RASGRF2: variants seen among roughly 807,000 people sequenced by gnomAD.
The protein encoded by RASGRF2 is ras-specific guanine nucleotide-releasing factor 2.
In RASGRF2, 76 loss-of-function variants were observed where a neutral mutation model predicts 151.0. The ratio of observed to expected loss-of-function variants is 0.50; its 90% confidence interval spans 0.42 to 0.61. The LOEUF (loss-of-function observed/expected upper bound fraction) is 0.61, where lower values mean the gene tolerates loss of function less well. Ranked by LOEUF, RASGRF2 falls within the 20% of genes least tolerant of loss-of-function variation. The pLI is 0.00. For synonymous variants in RASGRF2, 504 were observed against 566.5 expected, an observed-to-expected ratio of 0.89 and a Z score of 1.57; for missense variants, 1,148 against 1,564.6, an observed-to-expected ratio of 0.73 and a Z score of 4.49.
Position 81,112,747 on chromosome 5 carries a change from T to C in RASGRF2, c.1976T>C (p.Ile659Thr), listed in dbSNP as rs757997128. 5.0e-6 allele frequency: 8 copies of C among 1,614,260 alleles called. No homozygotes were observed. The highest frequency in any genetic ancestry group is 6.8e-6 in the Non-Finnish European group (8 of 1,180,052). ...ERLTDLRFLS[I>T]DFLNTFLHTY... is the part of the protein sequence containing the mutation. Reference sequence around the variant, plus strand: ...CTGACAGACTTGCGGTTTCTTAGTATTGATTTCCTCAACACCTTTCTGCAC... The same window carrying C: ...CTGACAGACTTGCGGTTTCTTAGTACTGATTTCCTCAACACCTTTCTGCAC... Residue 659 changes from isoleucine (I) to threonine (T), a missense_variant, in exon 14 of 27, where the codon ATT becomes ACT. Coordinates refer to ENST00000265080, the MANE Select transcript of RASGRF2 (RefSeq NM_006909.3).
intron 1 of RASGRF2, among the ~76,000 whole-genome samples, chr5:80,999,361 C>A (rs1749004201): frequency 6.6e-6 from 1 of 152,074 alleles, no homozygotes; most frequent in Non-Finnish European, 1.5e-5. Context: ...TTTTTAGAGA[C>A]AGGGTCTTGC....
chr5:81,214,822 T>C (rs1177965480), intron 23 of RASGRF2, among the ~76,000 whole-genome samples: 2 of 152,238 alleles, frequency 1.3e-5, no homozygotes, highest in Admixed American at 6.5e-5. Flanking sequence ...CCTATGTTCA[T>C]GGAAGAAACC....
At chr5:81,156,430 A>G (rs1754262169) in intron 17 of RASGRF2, among the ~76,000 whole-genome samples, 1 of 152,228 alleles carries the variant, frequency 6.6e-6, no homozygotes. Context: ...ATCCCTCATG[A>G]GTAAAATGCA....
chr5:81,126,738 C>G (rs1414746832), intron 16 of RASGRF2, among the ~76,000 whole-genome samples: 1 of 152,196 alleles, frequency 6.6e-6, no homozygotes, highest in Non-Finnish European at 1.5e-5. Context: ...TGCTTTGGAA[C>G]TTCATTCCTT....
intron 1 of RASGRF2, among the ~76,000 whole-genome samples, chr5:81,034,101 A>G (rs1102241): frequency 0.18 from 27,064 of 151,954 alleles, 2,451 homozygotes; most frequent in Admixed American, 0.25. Flanking sequence ...ACAATGAGAT[A>G]CCATCTCACA....
intron 1 of RASGRF2, among the ~76,000 whole-genome samples, chr5:81,020,460 A>G (rs1302734665): frequency 6.6e-6 from 1 of 152,186 alleles, no homozygotes; most frequent in Non-Finnish European, 1.5e-5. Flanking sequence ...TATTAGGTTC[A>G]TTACATCTCA....
At chr5:81,175,166 A>G (rs1754746493) in intron 17 of RASGRF2, among the ~76,000 whole-genome samples, 1 of 152,230 alleles carries the variant, frequency 6.6e-6, no homozygotes, top group South Asian at 2.1e-4. Context: ...TGGGATAACA[A>G]TGTTTAACCT....
chr5:81,142,911 A>G (rs1753918293), intron 17 of RASGRF2, among the ~76,000 whole-genome samples: 2 of 152,162 alleles, frequency 1.3e-5, no homozygotes, highest in Non-Finnish European at 2.9e-5. Context: ...GGAGTCCAGC[A>G]GTCTCTTAAT....
intron 17 of RASGRF2, among the ~76,000 whole-genome samples, chr5:81,132,353 G>T (rs1753644065): frequency 6.6e-6 from 1 of 152,168 alleles, no homozygotes; most frequent in African/African-American, 2.4e-5. Context: ...TAGTGCTGTG[G>T]TGTTTTTAAA....
At chr5:80,964,271 T>A (rs1018842767) in intron 1 of RASGRF2, among the ~76,000 whole-genome samples, 2 of 152,164 alleles carry the variant, frequency 1.3e-5, no homozygotes, top group African/African-American at 4.8e-5. Context: ...TCTCCAAAAG[T>A]GTTGTTCCTT....
intron 2 of RASGRF2, among the ~76,000 whole-genome samples, chr5:81,056,547 A>T (rs1434600908): frequency 6.6e-6 from 1 of 152,222 alleles, no homozygotes; most frequent in Non-Finnish European, 1.5e-5. Context: ...TTTACTTCCA[A>T]CTATGTGGTC....
intron 2 of RASGRF2, among the ~76,000 whole-genome samples, chr5:81,060,457 T>C (rs252589): frequency 2.0e-5 from 3 of 151,414 alleles, no homozygotes; most frequent in Non-Finnish European, 2.9e-5. Context: ...TCTGCCCCCC[T>C]ACTTCCTGTT....
At chr5:81,209,106 C>T (rs1755576459) in intron 22 of RASGRF2, among the ~76,000 whole-genome samples, 1 of 152,014 alleles carries the variant, frequency 6.6e-6, no homozygotes, top group African/African-American at 2.4e-5. Context: ...CACGGTAAGG[C>T]TGGGTTGGTG....
chr5:80,980,813 A>C (rs971750971), intron 1 of RASGRF2, among the ~76,000 whole-genome samples: 7 of 152,180 alleles, frequency 4.6e-5, no homozygotes, highest in Admixed American at 1.3e-4. Flanking sequence ...CTTAGAAGGC[A>C]GGTTTGTAGG....
intron 17 of RASGRF2, among the ~76,000 whole-genome samples, chr5:81,132,205 A>G (rs757390334): frequency 3.3e-5 from 5 of 152,212 alleles, no homozygotes; most frequent in Admixed American, 1.3e-4. Flanking sequence ...TATCCCCAAT[A>G]TCTAGAATAG....
intron 18 of RASGRF2, among the ~76,000 whole-genome samples, chr5:81,192,345 G>A (rs374282769): frequency 2.6e-5 from 4 of 152,324 alleles, no homozygotes; most frequent in African/African-American, 7.2e-5. Flanking sequence ...CTGTCGTATT[G>A]CTATGTAGGG....
At chr5:81,079,087 G>C (rs1234645266) in intron 5 of RASGRF2, among the ~76,000 whole-genome samples, 2 of 152,280 alleles carry the variant, frequency 1.3e-5, no homozygotes, top group East Asian at 3.9e-4. Flanking sequence ...CGCCTTCTGT[G>C]TCTTTCCAAG....
chr5:81,020,782 A>G (rs761033386), intron 1 of RASGRF2, among the ~76,000 whole-genome samples: 1 of 152,224 alleles, frequency 6.6e-6, no homozygotes, highest in Non-Finnish European at 1.5e-5. Context: ...AAATATGTCA[A>G]GACAAAGAGA....
At chr5:81,041,837 A>C (rs562968054) in intron 1 of RASGRF2, among the ~76,000 whole-genome samples, 1 of 152,260 alleles carries the variant, frequency 6.6e-6, no homozygotes, top group Non-Finnish European at 1.5e-5. Flanking sequence ...AAGCTCCCTC[A>C]TGCGATTCCT....
Sources: gnomAD v4.1 joint callset for allele counts (sites outside exome capture counted in the v4.1 genomes callset) on GRCh38, gnomAD v4.1.1 for gene constraint, MANE v1.5 for transcripts, NCBI Gene and HGNC (gene_info 2026-07-23, HGNC 2026-07-21) for gene names.